The following RALGPS1 variants were observed in gnomAD, a reference collection of about 807,000 sequenced individuals.
The protein encoded by RALGPS1 is Ral GEF with PH domain and SH3 binding motif 1, also known as ras-specific guanine nucleotide-releasing factor RalGPS1.
RALGPS1 carries 19 observed loss-of-function variants against 78.8 expected under a neutral mutation model. The ratio of observed to expected loss-of-function variants is 0.24; its 90% CI spans 0.17 to 0.35. RALGPS1 has a LOEUF of 0.35. Among genes scored for constraint, RALGPS1 ranks in the 10% least tolerant of loss-of-function variants. RALGPS1 has a pLI of 1.00. For synonymous variants in RALGPS1, 228 were observed against 256.3 expected, an observed-to-expected ratio of 0.89 and a Z score of 1.06; for missense variants, 454 against 688.3, an observed-to-expected ratio of 0.66 and a Z score of 3.81.
chr9:127,190,202 C>G (rs190149951), intron 11 of RALGPS1, among the ~76,000 whole-genome samples: 1 of 152,306 alleles, frequency 6.6e-6, no homozygotes, highest in Admixed American at 6.5e-5. Flanking sequence ...TGCATATGTA[C>G]TTGTGTGTAA....
chr9:127,198,910 C>A lies in RALGPS1; in HGVS notation c.1196-105C>A. ...GGCTCCCAATGTCAGGAAGCAGTTT[C>A]TGTGGCACTTCTGTGAGCTCAGGGG... On this transcript the variant is annotated intron_variant, in intron 13 of 18. Transcript: ENST00000259351. 6 of 975,228 alleles carry A rather than the reference C, an allele frequency of 6.2e-6. No individual in the cohort carries two copies. The South Asian group carries it at 7.7e-5, about 13-fold the overall frequency. 60.4% of individuals were successfully genotyped at this position (975,228 alleles called of 1,614,324 possible). A position where few individuals can be genotyped will look rare whatever the true frequency, so the allele number is the denominator to read the frequency against.
chr9:126,918,933 G>A (rs2034471017), intron 1 of RALGPS1, among the ~76,000 whole-genome samples: 1 of 152,152 alleles, frequency 6.6e-6, no homozygotes. Flanking sequence ...GCCTCCCAAA[G>A]TGCTGGGATT....
chr9:127,190,111 C>T (rs937360313), intron 11 of RALGPS1, among the ~76,000 whole-genome samples: 1 of 152,218 alleles, frequency 6.6e-6, no homozygotes, highest in African/African-American at 2.4e-5. Context: ...CTCTCACCCC[C>T]ATCCTGCCTC....
At chr9:127,024,879 T>C (rs2045829958) in intron 4 of RALGPS1, among the ~76,000 whole-genome samples, 1 of 152,332 alleles carries the variant, frequency 6.6e-6, no homozygotes, top group Non-Finnish European at 1.5e-5. Context: ...TCCTTTGCAA[T>C]GCTCTATGGT....
chr9:127,177,366 A>G (rs2059938975), intron 11 of RALGPS1, among the ~76,000 whole-genome samples: 1 of 152,112 alleles, frequency 6.6e-6, no homozygotes, highest in African/African-American at 2.4e-5. Context: ...CCAAGCCCTC[A>G]TCTGCCAGCC....
intron 5 of RALGPS1, among the ~76,000 whole-genome samples, chr9:127,037,626 G>A (rs955528071): frequency 2.0e-5 from 3 of 152,244 alleles, no homozygotes; most frequent in Non-Finnish European, 4.4e-5. Context: ...TCCAGGTTCT[G>A]CTTTCCTCTG....
intron 4 of RALGPS1, among the ~76,000 whole-genome samples, chr9:126,999,434 A>C (rs987421934): frequency 2.0e-5 from 3 of 152,226 alleles, no homozygotes; most frequent in Non-Finnish European, 4.4e-5. Flanking sequence ...TTATAGTGTC[A>C]TACAGAATAG....
intron 1 of RALGPS1, among the ~76,000 whole-genome samples, chr9:126,927,468 A>C (rs964925310): frequency 2.6e-5 from 4 of 152,092 alleles, no homozygotes; most frequent in African/African-American, 9.7e-5. Context: ...CCTCTCTAGT[A>C]ATTCATTAGG....
intron 4 of RALGPS1, chr9:126,978,046 G>A (rs535791290): frequency 3.1e-5 from 8 of 258,532 alleles, no homozygotes; most frequent in Non-Finnish European, 5.8e-5. Flanking sequence ...TCCTCCTGCT[G>A]AAAATGTTTG....
In RALGPS1 at chr9:127,026,822, G is replaced by A. The variant is rs993540700; in HGVS notation, c.217-7609G>A. Among the ~76,000 whole-genome samples the A allele has an allele frequency of 4.7e-5, 7 of 150,016 alleles. 1 individual carries two copies. The South Asian group carries it at 1.3e-3, about 27-fold the overall frequency. ...TGCCCACACTGCAGGATGACAGGGT[G>A]GGGACTGGCATGCAGGGTGCAGTTC... On this transcript the variant is annotated intron_variant, in intron 4 of 18. Transcript: ENST00000259351.
At chr9:126,989,470 G>C (rs1411203401) in intron 4 of RALGPS1, among the ~76,000 whole-genome samples, 1 of 152,196 alleles carries the variant, frequency 6.6e-6, no homozygotes, top group East Asian at 1.9e-4. Context: ...CCTCCCTGAA[G>C]ACAAGCTGTG....
intron 5 of RALGPS1, among the ~76,000 whole-genome samples, chr9:127,046,854 A>G (rs553530322): frequency 6.6e-6 from 1 of 152,248 alleles, no homozygotes; most frequent in African/African-American, 2.4e-5. Context: ...AAATAATACA[A>G]ATGACCTATA....
At chr9:127,146,060 G>A (rs1420112608) in intron 8 of RALGPS1, among the ~76,000 whole-genome samples, 2 of 152,192 alleles carry the variant, frequency 1.3e-5, no homozygotes, top group East Asian at 1.9e-4. Context: ...TTCTCGATAC[G>A]TTATCTGTTT....
chr9:127,130,428 C>T (rs955544404), intron 8 of RALGPS1, among the ~76,000 whole-genome samples: 1 of 152,196 alleles, frequency 6.6e-6, no homozygotes, highest in African/African-American at 2.4e-5. Flanking sequence ...TGTATCTCTC[C>T]GGACAGCTTT....
intron 3 of RALGPS1, among the ~76,000 whole-genome samples, chr9:126,970,382 G>A (rs1464001419): frequency 1.3e-5 from 2 of 152,184 alleles, no homozygotes; most frequent in African/African-American, 4.8e-5. Flanking sequence ...ATAGGTATTT[G>A]CTAGAAAGTT....
intron 8 of RALGPS1, chr9:127,108,301 T>C: frequency 2.5e-6 from 4 of 1,613,870 alleles, no homozygotes; most frequent in Non-Finnish European, 1.7e-6. Flanking sequence ...GCGGATGATC[T>C]CGTGCAGGAG....
rs372792295 is a variant in RALGPS1, at chr9:127,187,905, C to T, written c.911-7186C>T. Reference sequence around the variant, plus strand: ...GAGTTTCTTCCCCCGGGGTGCACAGCAGAATCACCTGGAGAGCTTTGGCTC... The same window carrying T: ...GAGTTTCTTCCCCCGGGGTGCACAGTAGAATCACCTGGAGAGCTTTGGCTC... On this transcript the variant is annotated intron_variant, in intron 11 of 18. Transcript: ENST00000259351. Among the ~76,000 whole-genome samples, 7 of 152,262 alleles carry T rather than the reference C, an allele frequency of 4.6e-5. No individual in the cohort carries two copies. The South Asian group carries it at 1.0e-3, about 23-fold the overall frequency.
At chr9:127,180,818 C>T (rs546571492) in intron 11 of RALGPS1, among the ~76,000 whole-genome samples, 5 of 152,348 alleles carry the variant, frequency 3.3e-5, no homozygotes, top group South Asian at 2.1e-4. Context: ...AACAGGGCTC[C>T]GGCTGGAGCT....
chr9:126,941,740 T>G (rs367895609), intron 1 of RALGPS1, among the ~76,000 whole-genome samples: 1 of 152,192 alleles, frequency 6.6e-6, no homozygotes, highest in Non-Finnish European at 1.5e-5. Flanking sequence ...GCCCTGAGTT[T>G]ATGGACATTG....
Sources: allele counts gnomAD v4.1 joint callset (sites outside exome capture counted in the v4.1 genomes callset), GRCh38; gene constraint gnomAD v4.1.1; transcripts MANE v1.5; gene names NCBI Gene and HGNC (gene_info 2026-07-23, HGNC 2026-07-21).